IL1RAPL1: variants seen among roughly 807,000 people sequenced by gnomAD.
The protein encoded by IL1RAPL1 is interleukin-1 receptor accessory protein-like 1.
IL1RAPL1 carries 3 observed loss-of-function variants against 48.4 expected under a neutral mutation model. The observed-to-expected ratio is 0.06, with a 90% CI of 0.03 to 0.16. The LOEUF (loss-of-function observed/expected upper bound fraction) is 0.16, where lower values mean the gene tolerates loss of function less well. IL1RAPL1 is among the 10% of genes least tolerant of loss of function. IL1RAPL1 has a pLI of 1.00. For synonymous variants in IL1RAPL1, 185 were observed against 187.7 expected, an observed-to-expected ratio of 0.99 and a Z score of 0.12; for missense variants, 349 against 530.6, an observed-to-expected ratio of 0.66 and a Z score of 3.36.
At chrX:29,789,537 C>T (rs141068647) in intron 6 of IL1RAPL1, among the ~76,000 whole-genome samples, 2,957 of 111,609 alleles carry the variant, frequency 0.026, 75 homozygotes, top group African/African-American at 0.091. Flanking sequence ...AGAAAAAAAT[C>T]GGATAATTCT....
intron 3 of IL1RAPL1, among the ~76,000 whole-genome samples, chrX:29,361,397 G>C (rs902669498): frequency 6.3e-5 from 7 of 111,407 alleles, no homozygotes; most frequent in Non-Finnish European, 1.3e-4. Context: ...CAAAAGGTGC[G>C]GATACAGTCA....
At chrX:29,233,501 C>A (rs1931237633) in intron 2 of IL1RAPL1, among the ~76,000 whole-genome samples, 1 of 110,970 alleles carries the variant, frequency 9.0e-6, no homozygotes, top group South Asian at 3.9e-4. Flanking sequence ...TTGGTTCTAC[C>A]TCTAAAACCT....
intron 1 of IL1RAPL1, among the ~76,000 whole-genome samples, chrX:28,725,859 A>G (rs1301748197): frequency 8.9e-6 from 1 of 112,410 alleles, no homozygotes; most frequent in Non-Finnish European, 1.9e-5. Context: ...AACACTTTTA[A>G]GAGCAAATTT....
In IL1RAPL1 at chrX:29,632,294, G is replaced by A. The variant is rs370745654; in HGVS notation, c.704-36136G>A. On this transcript the variant is annotated intron_variant, in intron 5 of 10. Transcript: ENST00000378993. Reference sequence around the variant, plus strand: ...CTCCTGAGTAGCTGGGACTACAGGCGCCCGCCACCACACCCTGCTAATTTT... The same window carrying A: ...CTCCTGAGTAGCTGGGACTACAGGCACCCGCCACCACACCCTGCTAATTTT... 7.0e-3 allele frequency among the ~76,000 whole-genome samples: 760 copies of A among 109,225 alleles called. 4 individuals are homozygous for A. The highest frequency in any genetic ancestry group is 0.024 in the African/African-American group (705 of 30,000). 94.8% of individuals were successfully genotyped at this position (109,225 alleles called of 115,157 possible). A position where few individuals can be genotyped will look rare whatever the true frequency, so the allele number is the denominator to read the frequency against.
intron 5 of IL1RAPL1, among the ~76,000 whole-genome samples, chrX:29,563,669 T>A (rs1050088787): frequency 8.9e-6 from 1 of 112,532 alleles, no homozygotes; most frequent in African/African-American, 3.2e-5. Flanking sequence ...GAAGTAGGAC[T>A]TCAGCTTTGG....
chrX:29,739,989 G>A (rs1415201713), intron 6 of IL1RAPL1, among the ~76,000 whole-genome samples: 1 of 108,951 alleles, frequency 9.2e-6, no homozygotes, highest in African/African-American at 3.3e-5. Flanking sequence ...GAACCTGGGA[G>A]GTGGAGGTTG....
At chrX:29,673,552 G>A (rs947889318) in intron 6 of IL1RAPL1, among the ~76,000 whole-genome samples, 3 of 111,628 alleles carry the variant, frequency 2.7e-5, no homozygotes, top group Admixed American at 9.5e-5. Flanking sequence ...TTTCTACTAC[G>A]AGAAAAACAA....
chrX:28,959,844 C>T (rs1474838499), intron 2 of IL1RAPL1, among the ~76,000 whole-genome samples: 2 of 111,792 alleles, frequency 1.8e-5, no homozygotes, highest in Non-Finnish European at 3.8e-5. Context: ...GCTTGTAGCA[C>T]ATATTTTATT....
chrX:29,751,184 G>A (rs1928452809), intron 6 of IL1RAPL1, among the ~76,000 whole-genome samples: 1 of 111,143 alleles, frequency 9.0e-6, no homozygotes, highest in Admixed American at 9.6e-5. Flanking sequence ...TCTAAAACTA[G>A]ATTCTAGCTA....
intron 2 of IL1RAPL1, among the ~76,000 whole-genome samples, chrX:29,132,053 G>A (rs1001953574): frequency 9.0e-6 from 1 of 111,553 alleles, no homozygotes; most frequent in Non-Finnish European, 1.9e-5. Flanking sequence ...ATTCCTTGTA[G>A]TGTAAATATT....
At chrX:29,428,226 C>T (rs1934372650) in intron 5 of IL1RAPL1, among the ~76,000 whole-genome samples, 1 of 111,881 alleles carries the variant, frequency 8.9e-6, no homozygotes, top group Non-Finnish European at 1.9e-5. Context: ...TCAACAAAGG[C>T]TTTCAACAGC....
At chrX:29,250,404 G>A (rs959285724) in intron 2 of IL1RAPL1, among the ~76,000 whole-genome samples, 3 of 111,566 alleles carry the variant, frequency 2.7e-5, no homozygotes, top group African/African-American at 9.8e-5. Context: ...AGTGAAGAAA[G>A]CATTAAACCA....
At chrX:28,844,096 A>G (rs1317794700) in intron 2 of IL1RAPL1, among the ~76,000 whole-genome samples, 1 of 108,490 alleles carries the variant, frequency 9.2e-6, no homozygotes, top group Non-Finnish European at 1.9e-5. Flanking sequence ...CATTTGTGAT[A>G]TCTTTTCATT....
intron 5 of IL1RAPL1, among the ~76,000 whole-genome samples, chrX:29,516,173 G>A (rs373446542): frequency 9.0e-6 from 1 of 111,709 alleles, no homozygotes; most frequent in Non-Finnish European, 1.9e-5. Flanking sequence ...ACTTAGCTAC[G>A]TATTTTATAC....
intron 2 of IL1RAPL1, among the ~76,000 whole-genome samples, chrX:29,001,117 C>T (rs2147388034): frequency 9.0e-6 from 1 of 111,607 alleles, no homozygotes; most frequent in East Asian, 2.8e-4. Context: ...TCCTTAACAA[C>T]AGTGTCACAC....
rs369106267 is a variant in IL1RAPL1, at chrX:29,593,646, G to A, written c.704-74784G>A. 3.6e-5 allele frequency among the ~76,000 whole-genome samples: 4 copies of A among 111,576 alleles called. No individual in the cohort carries two copies. The South Asian group carries it at 1.5e-3, about 42-fold the overall frequency. On this transcript the variant is annotated intron_variant, in intron 5 of 10. Transcript: ENST00000378993. ...ATATCCTTGATCAATATTCTAGTAT[G>A]TATTCTTTATATTCTTTTTTGAACC... is the stretch of plus-strand genomic sequence containing the variant.
chrX:29,442,246 A>G (rs1334436962), intron 5 of IL1RAPL1, among the ~76,000 whole-genome samples: 1 of 111,558 alleles, frequency 9.0e-6, no homozygotes, highest in East Asian at 2.8e-4. Context: ...AGAACCCAGA[A>G]GTAAACCCAA....
At chrX:29,730,417 A>G (rs1238383773) in intron 6 of IL1RAPL1, among the ~76,000 whole-genome samples, 1 of 111,987 alleles carries the variant, frequency 8.9e-6, no homozygotes, top group Admixed American at 9.5e-5. Context: ...TATTTCTTAA[A>G]TAAATCTCAT....
chrX:29,478,013 CAAATT>C (rs1422498537), intron 5 of IL1RAPL1, among the ~76,000 whole-genome samples: 1 of 111,512 alleles, frequency 9.0e-6, no homozygotes, highest in Non-Finnish European at 1.9e-5. Flanking sequence ...TAAAGATATG[CAAATT>C]AAAACAAGAT....
Sources: allele counts gnomAD v4.1 joint callset (sites outside exome capture counted in the v4.1 genomes callset), GRCh38; gene constraint gnomAD v4.1.1; transcripts MANE v1.5; gene names NCBI Gene and HGNC (gene_info 2026-07-23, HGNC 2026-07-21).